Variants in ZNF224 observed in about 807,000 individuals in gnomAD.
ZNF224 encodes the protein bone marrow zinc finger 2.
In ZNF224, 8 loss-of-function variants were observed where a neutral mutation model predicts 10.5. That is an observed-to-expected ratio of 0.76 (90% confidence interval 0.45 to 1.37). ZNF224 has a LOEUF of 1.37. ZNF224 is among the 40% of genes most tolerant of loss of function. The probability of loss-of-function intolerance (pLI) is 0.00; values close to 1 mark genes in which losing one functional copy is unlikely to be tolerated. For missense variants in ZNF224, 754 were observed against 854.0 expected (o/e 0.88, Z 1.46); for synonymous variants, 282 against 287.8 (o/e 0.98, Z 0.20).
At chr19:44,102,553 G>A (rs2147528216) in intron 5 of ZNF224, among the ~76,000 whole-genome samples, 1 of 152,274 alleles carries the variant, frequency 6.6e-6, no homozygotes, top group East Asian at 1.9e-4. Context: ...GAGAGATATT[G>A]CAGAACATGT....
At position 44,107,234 on chromosome 19, in the gene ZNF224, T is replaced by C. The variant is rs766473537; in HGVS notation, c.1074T>C (p.Asp358=). The change falls in exon 6 of 6, where the codon GAT becomes GAC. Residue 358 remains aspartate, a synonymous_variant. Transcript: ENST00000693561. ...ECGKGFICRR[D]LYTHHMVHTG... ...GAAAAGGCTTTATTTGTAGGCGAGA[T>C]CTTTATACGCATCATATGGTCCACA... 1.6e-5 allele frequency: 25 copies of C among 1,598,476 alleles called. No individual in the cohort carries two copies. The highest frequency in any genetic ancestry group is 2.1e-5 in the Non-Finnish European group (25 of 1,171,706).
intron 5 of ZNF224, 89 bp downstream of exon 5, chr19:44,101,314 G>A: frequency 2.3e-6 from 3 of 1,330,872 alleles, no homozygotes. Context: ...TGGCCTAAAT[G>A]GCCAAACCTC....
chr19:44,108,054 A>C lies in ZNF224; in HGVS notation c.1894A>C (p.Asn632His). Residue 632 changes from asparagine to histidine, a missense_variant, in exon 6 of 6, where the codon AAC (asparagine) becomes CAC (histidine). Asn to His is a moderately conservative substitution (Grantham distance 68). Transcript: ENST00000693561. ...TCTCAAATGTGAGCAGCATGGGAAG[A>C]ACATTGTACAGAATTCATTCTCTAA... ...TPLKCEQHGK[N>H]IVQNSFSKVQ... 1 of 1,612,180 alleles carries C rather than the reference A, an allele frequency of 6.2e-7. No individual in the cohort carries two copies. The highest frequency in any genetic ancestry group is 8.5e-7 in the Non-Finnish European group (1 of 1,178,616).
At chr19:44,096,458 A>G (rs1328629813) in intron 2 of ZNF224, 27 bp downstream of exon 2, 1 of 152,236 alleles carries the variant, frequency 6.6e-6, no homozygotes, top group Non-Finnish European at 1.5e-5. Flanking sequence ...AAGACCTAGT[A>G]TATGGTTTCA....
intron 5 of ZNF224, 51 bp downstream of exon 5, chr19:44,101,276 CT>C: frequency 6.4e-7 from 1 of 1,567,684 alleles, no homozygotes; most frequent in Non-Finnish European, 8.8e-7. Flanking sequence ...ACCTGTTTCA[CT>C]TCTGTCCATG....
chr19:44,106,879 G>C lies in ZNF224; in HGVS notation c.719G>C (p.Gly240Ala), dbSNP rs1338384194. ...TTCAAATGTGTGGAATGTGGGAAAG[G>C]CTTCAGTCGTAGATCAGCACTTAAT... ...KPFKCVECGK[G>A]FSRRSALNVH... Residue 240 changes from glycine to alanine, a missense_variant, in exon 6 of 6, where the codon GGC (glycine) becomes GCC (alanine). Physicochemically the swap from Gly to Ala is moderately conservative, Grantham distance 60 (BLOSUM62 0). Transcript: ENST00000693561. 6.2e-7 allele frequency: 1 copy of C among 1,610,344 alleles called. No homozygotes were observed.
rs1203157206 is a variant in ZNF224, at chr19:44,094,415, A to ACT, written c.-273_-272insCT. ...GAGGTTGCTGCAGTTTTTCCGCGAT[A>ACT]GTTTGGGGCAGTTCCGCGCGTTGCA... On this transcript the variant is annotated 5_prime_UTR_variant, in exon 1 of 6. Coordinates refer to ENST00000693561, the MANE Select transcript of ZNF224 (RefSeq NM_001321645.3). The ACT allele has an allele frequency of 6.6e-6, 1 of 152,104 alleles. No homozygotes were observed. Among genetic ancestry groups the ACT allele is most frequent in the Non-Finnish European group, 1.5e-5 (1 of 68,060 alleles). The allele number at this position is 152,104 out of a possible 1,614,324, so 9.4% of individuals were successfully genotyped here. A position where few individuals can be genotyped will look rare whatever the true frequency, so the allele number is the denominator to read the frequency against.
intron 5 of ZNF224, among the ~76,000 whole-genome samples, chr19:44,102,448 T>C (rs1211628162): frequency 6.6e-6 from 1 of 152,224 alleles, no homozygotes; most frequent in Non-Finnish European, 1.5e-5. Flanking sequence ...TCCAAATTTT[T>C]GTTAACCTGA....
chr19:44,095,136 G>T (rs573729474), intron 1 of ZNF224: 3 of 238,604 alleles, frequency 1.3e-5, no homozygotes, highest in African/African-American at 4.6e-5. Context: ...GGGACTTCTT[G>T]GCTTCTGAGG....
At position 44,107,289 on chromosome 19, in the gene ZNF224, T is replaced by C. The variant is rs1485560392; in HGVS notation, c.1129T>C (p.Cys377Arg). ...AGAAAAGCCATATAATTGTAAAGAGTGTGGGAAGAGCTTCAGATGGGCCTC... is the reference window on the plus strand; with the variant it reads ...AGAAAAGCCATATAATTGTAAAGAGCGTGGGAAGAGCTTCAGATGGGCCTC... ...TGEKPYNCKE[C>R]GKSFRWASCL... Residue 377 changes from cysteine (C) to arginine (R), a missense_variant, in exon 6 of 6, where the codon TGT becomes CGT. Transcript: ENST00000693561. 1 of 1,584,840 alleles carries C rather than the reference T, an allele frequency of 6.3e-7. No individual in the cohort carries two copies. The highest frequency in any genetic ancestry group is 1.4e-5 in the African/African-American group (1 of 73,990).
In ZNF224 at chr19:44,107,723, C is replaced by A. The variant is rs557533877; in HGVS notation, c.1563C>A (p.Tyr521Ter). The change falls in exon 6 of 6, where the codon TAC (tyrosine) becomes TAA (stop). Residue 521 changes from tyrosine (Y) to a stop codon, truncating the protein, a stop_gained. Coordinates refer to ENST00000693561, the MANE Select transcript of ZNF224 (RefSeq NM_001321645.3). LOFTEE classifies it low-confidence loss of function (END_TRUNC). ...PYKCEKCGKG[Y>*]NSKFNLDMHQ... The stretch of plus-strand genomic sequence containing the variant: ...AATGTGAGAAGTGTGGAAAGGGCTA[C>A]AATAGTAAGTTTAATCTTGATATGC... 6.8e-6 allele frequency: 11 copies of A among 1,613,446 alleles called. No homozygotes were observed. The African/African-American group carries it at 1.2e-4, about 18-fold the overall frequency.
chr19:44,098,827 C>T (rs1315471988), intron 3 of ZNF224, among the ~76,000 whole-genome samples: 1 of 152,200 alleles, frequency 6.6e-6, no homozygotes, highest in African/African-American at 2.4e-5. Flanking sequence ...GATCCACCTG[C>T]CTCGGCCTTC....
chr19:44,107,477 G>A lies in ZNF224; in HGVS notation c.1317G>A (p.Arg439=), dbSNP rs144440022. The change falls in exon 6 of 6, where the codon AGG becomes AGA. Residue 439 remains arginine, a synonymous_variant. Transcript: ENST00000693561. ...TGGAGTGTGGGAAGGGCTACAAAAG[G>A]AGGTTGGATCTTGACTTTCACCAGC... is the stretch of plus-strand genomic sequence containing the variant. ...KCVECGKGYK[R]RLDLDFHQRV... The A allele has an allele frequency of 1.8e-3, 2,910 of 1,604,440 alleles. 8 individuals carry two copies. Among genetic ancestry groups the A allele is most frequent in the Non-Finnish European group, 2.2e-3 (2,607 of 1,176,096 alleles).
chr19:44,106,956 G>A lies in ZNF224; in HGVS notation c.796G>A (p.Gly266Arg), dbSNP rs187079886. The A allele has an allele frequency of 1.5e-5, 24 of 1,610,652 alleles. No homozygotes were observed. Among genetic ancestry groups the A allele is most frequent in the African/African-American group, 4.0e-5 (3 of 74,962 alleles). Residue 266 changes from glycine (G) to arginine (R), a missense_variant, in exon 6 of 6, where the codon GGG becomes AGG. Transcript: ENST00000693561. ...GEKPYNCEEC[G>R]KAFIHDSQLQ... ...GAAACCTTATAATTGTGAGGAATGC[G>A]GGAAGGCCTTCATTCACGATTCCCA... is the stretch of plus-strand genomic sequence containing the variant.
At chr19:44,102,944 TTTC>T (rs1321766026) in intron 5 of ZNF224, among the ~76,000 whole-genome samples, 13 of 152,178 alleles carry the variant, frequency 8.5e-5, no homozygotes, top group Admixed American at 2.0e-4. Context: ...TGACCCCAGG[TTTC>T]TTCTTCTCCT....
In ZNF224 at chr19:44,107,061, T is replaced by G; in HGVS notation, c.901T>G (p.Ser301Ala). 1 of 1,601,928 alleles carries G rather than the reference T, an allele frequency of 6.2e-7. No homozygotes were observed. The highest frequency in any genetic ancestry group is 8.5e-7 in the Non-Finnish European group (1 of 1,173,182). Reference sequence around the variant, plus strand: ...ATGTGGTAAGAGCTTCTGTGGTAGATCAAGACTTAATAGGCATTCCATGGT... The same window carrying G: ...ATGTGGTAAGAGCTTCTGTGGTAGAGCAAGACTTAATAGGCATTCCATGGT... ...DICGKSFCGR[S>A]RLNRHSMVHT... Residue 301 changes from serine (S) to alanine (A), a missense_variant, in exon 6 of 6, where the codon TCA becomes GCA. By Grantham distance (99) the Ser-to-Ala change is moderately conservative. Coordinates refer to ENST00000693561, the MANE Select transcript of ZNF224 (RefSeq NM_001321645.3).
chr19:44,106,290 T>C, intron 5 of ZNF224, 106 bp from the exon 6 acceptor site: 4 of 1,180,728 alleles, frequency 3.4e-6, no homozygotes, highest in Admixed American at 5.1e-5. Context: ...ACAAACTGAA[T>C]GTTGTCTATA....
chr19:44,094,899 G>C (rs1187563515), intron 1 of ZNF224: 1 of 152,682 alleles, frequency 6.5e-6, no homozygotes, highest in Admixed American at 6.5e-5. Context: ...CGAAGGACCG[G>C]GTGGGGTCAG....
intron 3 of ZNF224, 58 bp from the exon 4 acceptor site, chr19:44,100,743 C>T (rs1967531504): frequency 2.5e-6 from 4 of 1,587,104 alleles, no homozygotes; most frequent in Admixed American, 1.7e-5. Flanking sequence ...CTCAGTGCCA[C>T]CCCTCTCCCA....
Sources: allele counts gnomAD v4.1 joint callset (sites outside exome capture counted in the v4.1 genomes callset), GRCh38; gene constraint gnomAD v4.1.1; transcripts MANE v1.5; gene names NCBI Gene and HGNC (gene_info 2026-07-23, HGNC 2026-07-21).